PROS1: variants seen among roughly 807,000 people sequenced by gnomAD.
The protein encoded by PROS1 is vitamin K-dependent protein S.
PROS1 carries 29 observed loss-of-function variants against 75.9 expected under a neutral mutation model. The observed-to-expected ratio is 0.38, with a 90% CI of 0.28 to 0.52. The LOEUF (loss-of-function observed/expected upper bound fraction) is 0.52. Ranked by LOEUF, PROS1 falls within the 20% of genes least tolerant of loss-of-function variation. The pLI is 0.83. For synonymous variants in PROS1, 245 were observed against 280.6 expected (o/e 0.87, Z 1.27); for missense variants, 680 against 810.3 (o/e 0.84, Z 1.95).
chr3:93,875,595 C>T (rs1459871676), intron 14 of PROS1, among the ~76,000 whole-genome samples: 1 of 151,882 alleles, frequency 6.6e-6, no homozygotes, highest in Non-Finnish European at 1.5e-5. Flanking sequence ...AATTTTACTC[C>T]CTAATAATTA....
chr3:93,898,698 A>G, intron 7 of PROS1, 129 bp from the exon 8 acceptor site: 2 of 1,023,648 alleles, frequency 2.0e-6, no homozygotes. Context: ...AAGAAATACT[A>G]TGACATCAAA....
At chr3:93,881,439 AC>A (rs1708274424) in intron 12 of PROS1, among the ~76,000 whole-genome samples, 1 of 152,190 alleles carries the variant, frequency 6.6e-6, no homozygotes, top group Non-Finnish European at 1.5e-5. Flanking sequence ...TGATGTGTAC[AC>A]CAAAAGCCCA....
At chr3:93,921,958 G>C (rs1379429140) in intron 3 of PROS1, among the ~76,000 whole-genome samples, 3 of 151,938 alleles carry the variant, frequency 2.0e-5, no homozygotes, top group East Asian at 1.9e-4. Flanking sequence ...TTTTGTGTTT[G>C]TTTTCTCAAT....
chr3:93,926,805 T>G (rs1045758878), intron 2 of PROS1, among the ~76,000 whole-genome samples: 9 of 152,210 alleles, frequency 5.9e-5, no homozygotes, highest in Non-Finnish European at 1.5e-5. Flanking sequence ...AGAAAATATT[T>G]GCAAACCATG....
chr3:93,874,387 G>T lies in PROS1; in HGVS notation c.1889C>A (p.Thr630Lys). 1 of 1,613,360 alleles carries T rather than the reference G, an allele frequency of 6.2e-7. No homozygotes were observed. Among genetic ancestry groups the T allele is most frequent in the Non-Finnish European group, 8.5e-7 (1 of 1,179,488 alleles). ...GCCATTATAAAAGGCATTCACTGGT[G>T]TGGCACTGAATGGAACATCTGTAAA... ...GGLPDVPFSA[T>K]PVNAFYNGCM... Residue 630 changes from threonine (T) to lysine (K), a missense_variant, in exon 15 of 15, where the codon ACA becomes AAA. Coordinates refer to ENST00000394236, the MANE Select transcript of PROS1 (RefSeq NM_000313.4).
intron 1 of PROS1, among the ~76,000 whole-genome samples, chr3:93,929,287 G>C (rs1298584425): frequency 6.6e-6 from 1 of 152,124 alleles, no homozygotes; most frequent in Non-Finnish European, 1.5e-5. Flanking sequence ...AGACCAGCCT[G>C]GATGACAAAG....
chr3:93,874,054 T>A lies in PROS1; in HGVS notation c.*191A>T. The A allele has an allele frequency of 1.6e-6, 1 of 633,676 alleles. No individual in the cohort carries two copies. Among genetic ancestry groups the A allele is most frequent in the Non-Finnish European group, 2.6e-6 (1 of 385,380 alleles). The allele number at this position is 633,676 out of a possible 1,614,324, so 39.3% of individuals were successfully genotyped here. On this transcript the variant is annotated 3_prime_UTR_variant, in exon 15 of 15. Coordinates refer to ENST00000394236, the MANE Select transcript of PROS1 (RefSeq NM_000313.4). The stretch of plus-strand genomic sequence containing the variant: ...CACTATTCTTAGATAGCAAGAGAAG[T>A]AAGAATTTCTTTACTGTGATTTATA...
chr3:93,883,466 C>T (rs1708302115), intron 12 of PROS1, among the ~76,000 whole-genome samples: 1 of 151,848 alleles, frequency 6.6e-6, no homozygotes, highest in South Asian at 2.1e-4. Context: ...TGGTGGCGCA[C>T]CCTTGTAATT....
chr3:93,877,275 A>T, intron 13 of PROS1, 84 bp from the exon 14 acceptor site: 8 of 1,028,540 alleles, frequency 7.8e-6, no homozygotes, highest in Non-Finnish European at 1.0e-5. Flanking sequence ...TTGAAAGTCA[A>T]AAACTAAATT....
intron 1 of PROS1, among the ~76,000 whole-genome samples, chr3:93,931,158 C>T (rs1329216195): frequency 3.9e-5 from 6 of 152,130 alleles, no homozygotes; most frequent in Non-Finnish European, 8.8e-5. Context: ...ATTATCATCC[C>T]TATTTTCCTA....
rs1473773624 is a variant in PROS1 at position 93,874,231 on chromosome 3, AG to A, written c.*13del. 1.2e-6 allele frequency: 2 copies of A among 1,612,896 alleles called. No homozygotes were observed. Among genetic ancestry groups the A allele is most frequent in the Non-Finnish European group, 1.7e-6 (2 of 1,179,144 alleles). Reference sequence around the variant, plus strand: ...CACACAAGGAAAAGGTATTATAAGCAGAGAAAAGATGCCTTAAGAATTCTTT... The same window carrying A: ...CACACAAGGAAAAGGTATTATAAGCAAGAAAAGATGCCTTAAGAATTCTTT... On this transcript the variant is annotated 3_prime_UTR_variant, in exon 15 of 15. Transcript: ENST00000394236.
In PROS1 at chr3:93,937,086, G is replaced by A. The variant is rs535536211; in HGVS notation, c.77-9679C>T. ...CCACAGACAAAACCTCTCAGACACCGAGTTGTAGAAGGAAGGGCTTTATTC... is the reference window on the plus strand; with the variant it reads ...CCACAGACAAAACCTCTCAGACACCAAGTTGTAGAAGGAAGGGCTTTATTC... On this transcript the variant is annotated intron_variant, in intron 1 of 14. Coordinates refer to ENST00000394236, the MANE Select transcript of PROS1 (RefSeq NM_000313.4). 9.9e-5 allele frequency among the ~76,000 whole-genome samples: 15 copies of A among 152,244 alleles called. No individual in the cohort carries two copies. In the South Asian group the frequency reaches 1.9e-3, roughly 19 times the overall value.
At chr3:93,890,801 T>C (rs1337720071) in intron 10 of PROS1, among the ~76,000 whole-genome samples, 1 of 152,170 alleles carries the variant, frequency 6.6e-6, no homozygotes, top group African/African-American at 2.4e-5. Flanking sequence ...TGACCTCACA[T>C]GACTTCTCAA....
chr3:93,898,587 C>T lies in PROS1; in HGVS notation c.728-18G>A, dbSNP rs762410734. 1 of 1,611,036 alleles carries T rather than the reference C, an allele frequency of 6.2e-7. No homozygotes were observed. The highest frequency in any genetic ancestry group is 1.1e-5 in the South Asian group (1 of 91,008). ...ATCTATATCTGAGGTAAAAAAAACA[C>T]ACGCACACAAACTTTAATATCCCCT... On this transcript the variant is annotated intron_variant, in intron 7 of 14. Transcript: ENST00000394236.
chr3:93,957,036 T>A (rs1182409505), intron 1 of PROS1, among the ~76,000 whole-genome samples: 4 of 152,106 alleles, frequency 2.6e-5, no homozygotes, highest in African/African-American at 9.7e-5. Context: ...GAACTATATA[T>A]GAATATGTTC....
Position 93,884,911 on chromosome 3 carries a change from T to C in PROS1, c.1324-15A>G, listed in dbSNP as rs768039722. On this transcript the variant is annotated splice_polypyrimidine_tract_variant and intron_variant, in intron 11 of 14. Transcript: ENST00000394236. ...CGAGGGTTAATCTAACAAATTAAAA[T>C]ACAAGTCAAGGAGTGCATTTTAAAC... is the stretch of plus-strand genomic sequence containing the variant. The C allele has an allele frequency of 1.9e-6, 3 of 1,608,510 alleles. No individual in the cohort carries two copies. The African/African-American group carries it at 4.0e-5, about 22-fold the overall frequency.
intron 8 of PROS1, 23 bp downstream of exon 8, chr3:93,898,425 G>A (rs1576182770): frequency 6.2e-7 from 1 of 1,611,252 alleles, no homozygotes; most frequent in African/African-American, 1.3e-5. Flanking sequence ...CAGGTGAGAA[G>A]TTAAGCATTG....
intron 1 of PROS1, among the ~76,000 whole-genome samples, chr3:93,934,419 C>T (rs1416994505): frequency 6.6e-6 from 1 of 152,096 alleles, no homozygotes; most frequent in African/African-American, 2.4e-5. Context: ...AGGGATTCAC[C>T]AACTATTATC....
intron 1 of PROS1, among the ~76,000 whole-genome samples, chr3:93,952,993 T>C (rs535693030): frequency 3.7e-4 from 57 of 152,176 alleles, no homozygotes; most frequent in African/African-American, 1.3e-3. Context: ...AATGGATACA[T>C]TGCTAGACAC....
Sources: gnomAD v4.1 joint callset for allele counts (sites outside exome capture counted in the v4.1 genomes callset) on GRCh38, gnomAD v4.1.1 for gene constraint, MANE v1.5 for transcripts, NCBI Gene and HGNC (gene_info 2026-07-23, HGNC 2026-07-21) for gene names.